GPC5: variants seen among roughly 807,000 people sequenced by gnomAD.
GPC5 encodes glypican-5.
In GPC5, 47 loss-of-function variants were observed where a neutral mutation model predicts 53.9. The observed-to-expected ratio is 0.87, with a 90% confidence interval of 0.69 to 1.11. The LOEUF (loss-of-function observed/expected upper bound fraction) is 1.11. Ranked by LOEUF, GPC5 falls within the 50% of genes most tolerant of loss-of-function variation. The pLI, the probability that GPC5 is intolerant of heterozygous loss-of-function variation, is 0.00. For synonymous variants in GPC5, 286 were observed against 263.3 expected (o/e 1.09, Z -0.84); for missense variants, 748 against 713.1 (o/e 1.05, Z -0.56).
At chr13:92,225,678 ATATG>A (rs1271638725) in intron 7 of GPC5, among the ~76,000 whole-genome samples, 2 of 152,198 alleles carry the variant, frequency 1.3e-5, no homozygotes, top group African/African-American at 4.8e-5. Flanking sequence ...TTTCAAATAT[ATATG>A]CATGAATTTG....
chr13:91,916,171 A>G (rs1419237641), intron 6 of GPC5, among the ~76,000 whole-genome samples: 1 of 152,212 alleles, frequency 6.6e-6, no homozygotes. Flanking sequence ...AGAGATGCAG[A>G]GAAAGTGGAA....
At chr13:92,703,071 T>C (rs1887812505) in intron 7 of GPC5, among the ~76,000 whole-genome samples, 1 of 150,680 alleles carries the variant, frequency 6.6e-6, no homozygotes, top group Admixed American at 6.6e-5. Context: ...TATTTATTTA[T>C]TTATTTATTT....
intron 7 of GPC5, among the ~76,000 whole-genome samples, chr13:92,832,837 G>A (rs1878093698): frequency 6.6e-6 from 1 of 152,012 alleles, no homozygotes; most frequent in East Asian, 1.9e-4. Context: ...GTAAAACCCT[G>A]TCTCTAATAA....
chr13:91,401,004 AT>A (rs1404513125), intron 1 of GPC5, among the ~76,000 whole-genome samples: 2 of 152,160 alleles, frequency 1.3e-5, no homozygotes, highest in East Asian at 3.8e-4. Flanking sequence ...TTGCTAGTAG[AT>A]TTTTTAAATC....
chr13:92,050,329 T>A (rs867941178), intron 6 of GPC5, among the ~76,000 whole-genome samples: 23 of 152,110 alleles, frequency 1.5e-4, no homozygotes, highest in African/African-American at 2.2e-4. Context: ...ATATTTTTTT[T>A]AAAAAAAGCA....
rs190131113 is a variant in GPC5, at chr13:91,756,737, A to G, written c.1280+317A>G. Among the ~76,000 whole-genome samples, 885 of 152,204 alleles carry G rather than the reference A, an allele frequency of 5.8e-3. 14 individuals are homozygous for G. The highest frequency in any genetic ancestry group is 0.054 in the Middle Eastern group (16 of 294). On this transcript the variant is annotated intron_variant, in intron 5 of 7. Coordinates refer to ENST00000377067, the MANE Select transcript of GPC5 (RefSeq NM_004466.6). ...CTGTCTGTTGTTTACCAAATATTGT[A>G]TTTCTTTTTAGTTTAAATTCATGAG...
intron 7 of GPC5, among the ~76,000 whole-genome samples, chr13:92,236,064 A>G (rs1364235051): frequency 6.6e-6 from 1 of 152,060 alleles, no homozygotes; most frequent in Non-Finnish European, 1.5e-5. Flanking sequence ...ACCTCTTAAG[A>G]AATAAGGTAA....
At chr13:92,139,920 A>G (rs1039417814) in intron 6 of GPC5, among the ~76,000 whole-genome samples, 27 of 152,172 alleles carry the variant, frequency 1.8e-4, no homozygotes, top group African/African-American at 5.5e-4. Flanking sequence ...AGCGTCTACA[A>G]TGTGGTAAGT....
At chr13:92,527,346 C>T (rs751815953) in intron 7 of GPC5, among the ~76,000 whole-genome samples, 1 of 151,942 alleles carries the variant, frequency 6.6e-6, no homozygotes, top group Non-Finnish European at 1.5e-5. Context: ...ATGCGTCCAA[C>T]AGAGGAGGAA....
At chr13:91,755,797 T>C (rs1188151632) in intron 4 of GPC5, among the ~76,000 whole-genome samples, 3 of 152,058 alleles carry the variant, frequency 2.0e-5, no homozygotes, top group East Asian at 1.9e-4. Flanking sequence ...AAGACCCAGA[T>C]AGGAAAATAA....
chr13:91,743,523 G>A (rs924737074), intron 4 of GPC5, among the ~76,000 whole-genome samples: 3 of 152,022 alleles, frequency 2.0e-5, no homozygotes, highest in African/African-American at 4.8e-5. Context: ...TCTATCAACG[G>A]CATTTAAAAT....
In GPC5 at chr13:91,935,569, G is replaced by A. The variant is rs1319913314; in HGVS notation, c.1401+27512G>A. On this transcript the variant is annotated intron_variant, in intron 6 of 7. Coordinates refer to ENST00000377067, the MANE Select transcript of GPC5 (RefSeq NM_004466.6). ...AAATGATATTTTTTGTGGTTTATCA[G>A]GCATCTAGATTTTGTGGATTTTGTT... 4.0e-5 allele frequency among the ~76,000 whole-genome samples: 6 copies of A among 151,896 alleles called. No individual in the cohort carries two copies. The South Asian group carries it at 8.3e-4, about 21-fold the overall frequency.
chr13:91,901,556 A>G (rs1407737096), intron 5 of GPC5, among the ~76,000 whole-genome samples: 7 of 152,088 alleles, frequency 4.6e-5, no homozygotes, highest in Admixed American at 6.6e-5. Flanking sequence ...ACACTTGGCA[A>G]TGGAATCCAG....
At chr13:91,743,147 C>G (rs1436661007) in intron 4 of GPC5, among the ~76,000 whole-genome samples, 1 of 151,948 alleles carries the variant, frequency 6.6e-6, no homozygotes, top group Non-Finnish European at 1.5e-5. Flanking sequence ...TTTTGCTTTT[C>G]TCCCAACAAG....
chr13:92,385,635 A>G (rs1007218038), intron 7 of GPC5, among the ~76,000 whole-genome samples: 1 of 143,462 alleles, frequency 7.0e-6, no homozygotes, highest in Non-Finnish European at 1.5e-5. Flanking sequence ...ACATATATAC[A>G]TATATACCTA....
At chr13:91,803,227 C>G (rs1247719727) in intron 5 of GPC5, among the ~76,000 whole-genome samples, 1 of 151,716 alleles carries the variant, frequency 6.6e-6, no homozygotes, top group Non-Finnish European at 1.5e-5. Flanking sequence ...AATGATTCAC[C>G]CTGTTCATAA....
intron 7 of GPC5, among the ~76,000 whole-genome samples, chr13:92,150,233 C>G (rs186685861): frequency 2.5e-4 from 38 of 152,118 alleles, no homozygotes; most frequent in Non-Finnish European, 3.8e-4. Flanking sequence ...TTGATCTACA[C>G]TTTACAAGTA....
At chr13:92,624,054 G>A (rs182461117) in intron 7 of GPC5, among the ~76,000 whole-genome samples, 134 of 146,012 alleles carry the variant, frequency 9.2e-4, no homozygotes, top group African/African-American at 3.3e-3. Flanking sequence ...TAGAGACGGC[G>A]TTTCCCCACG....
chr13:91,941,201 G>C (rs1324164594), intron 6 of GPC5, among the ~76,000 whole-genome samples: 4 of 151,870 alleles, frequency 2.6e-5, no homozygotes, highest in Admixed American at 2.6e-4. Context: ...TTATTCTATT[G>C]GTCTATGTGT....
Sources: allele counts gnomAD v4.1 joint callset (sites outside exome capture counted in the v4.1 genomes callset), GRCh38; gene constraint gnomAD v4.1.1; transcripts MANE v1.5; gene names NCBI Gene and HGNC (gene_info 2026-07-23, HGNC 2026-07-21).